Variants in FLYWCH1 observed in about 807,000 individuals in gnomAD.
FLYWCH1 encodes the protein FLYWCH-type zinc finger 1, also known as FLYWCH-type zinc finger-containing protein 1.
A neutral mutation model predicts 66.4 loss-of-function variants in FLYWCH1; 75 were observed. That is an observed-to-expected ratio of 1.13 (90% CI 0.94 to 1.37). The LOEUF (loss-of-function observed/expected upper bound fraction) is 1.37. FLYWCH1 is among the 40% of genes most tolerant of loss of function. The pLI is 0.00. For synonymous variants in FLYWCH1, 595 were observed against 429.9 expected, an observed-to-expected ratio of 1.38 and a Z score of -4.75; for missense variants, 1,334 against 1,001.8, an observed-to-expected ratio of 1.33 and a Z score of -4.48.
At chr16:2,924,830 G>A (rs2070501132) in intron 2 of FLYWCH1, among the ~76,000 whole-genome samples, 1 of 152,258 alleles carries the variant, frequency 6.6e-6, no homozygotes, top group African/African-American at 2.4e-5. Flanking sequence ...GGCGGTCAGG[G>A]CCTTTTCTTG....
intron 9 of FLYWCH1, among the ~76,000 whole-genome samples, chr16:2,944,657 T>A (rs768105624): frequency 5.3e-5 from 8 of 151,526 alleles, no homozygotes; most frequent in Non-Finnish European, 1.2e-4. Context: ...ACCCCGTCTC[T>A]ACTAAAAATA....
In FLYWCH1 at chr16:2,933,437, C is replaced by T. The variant is rs774388764; in HGVS notation, c.1104C>T (p.Gly368=). 486 of 1,600,770 alleles carry T rather than the reference C, an allele frequency of 3.0e-4. No homozygotes were observed. Among genetic ancestry groups the T allele is most frequent in the Non-Finnish European group, 2.4e-4 (282 of 1,174,608 alleles). Residue 368 remains glycine (G), a synonymous_variant, in exon 5 of 10, where the codon GGC becomes GGT. Coordinates refer to ENST00000253928, the MANE Select transcript of FLYWCH1 (RefSeq NM_001308068.2). The stretch of plus-strand genomic sequence containing the variant: ...GCCAAGTGGACACGCTGCTCCGAGG[C>T]GTGGATAGTTTGCTCTACCGCAGGG... ...PGSQVDTLLR[G]VDSLLYRRGP...
intron 3 of FLYWCH1, 122 bp from the exon 4 acceptor site, chr16:2,930,288 C>A (rs1490905761): frequency 1.8e-5 from 12 of 671,046 alleles, no homozygotes; most frequent in Admixed American, 1.2e-4. Flanking sequence ...GGGCTTCTTG[C>A]TTGGGAGCAG....
At position 2,929,768 on chromosome 16, in the gene FLYWCH1, T is replaced by C; in HGVS notation, c.83T>C (p.Val28Ala). 6.2e-7 allele frequency: 1 copy of C among 1,613,824 alleles called. No individual in the cohort carries two copies. The highest frequency in any genetic ancestry group is 8.5e-7 in the Non-Finnish European group (1 of 1,179,856). Residue 28 changes from valine (V) to alanine (A), a missense_variant, in exon 3 of 10, where the codon GTC (valine) becomes GCC (alanine). Val to Ala is a moderately conservative substitution (Grantham distance 64). Coordinates refer to ENST00000253928, the MANE Select transcript of FLYWCH1 (RefSeq NM_001308068.2). ...CCATCCCCCAAGCCAGGCACGGACG[T>C]CATCCCGGCAGCCCCCAGGAAGCCC... ...QEPSPKPGTD[V>A]IPAAPRKPRE... is the part of the protein sequence containing the mutation.
intron 6 of FLYWCH1, chr16:2,936,452 G>T: frequency 3.2e-6 from 1 of 312,000 alleles, no homozygotes; most frequent in East Asian, 9.5e-5. Flanking sequence ...ACACCCTCCC[G>T]CCCCCCGCTG....
intron 3 of FLYWCH1, 103 bp from the exon 4 acceptor site, chr16:2,930,307 G>C: frequency 1.4e-6 from 1 of 717,356 alleles, no homozygotes; most frequent in South Asian, 2.1e-5. Flanking sequence ...AGGAGGAGAA[G>C]GCACCTGCCA....
chr16:2,915,773 G>A (rs1329293620), intron 2 of FLYWCH1, among the ~76,000 whole-genome samples: 1 of 151,110 alleles, frequency 6.6e-6, no homozygotes, highest in East Asian at 1.9e-4. Flanking sequence ...CCCCAGCCTG[G>A]GAGACAGAGC....
At chr16:2,921,538 TA>T (rs1191895936) in intron 2 of FLYWCH1, among the ~76,000 whole-genome samples, 1 of 151,760 alleles carries the variant, frequency 6.6e-6, no homozygotes, top group Non-Finnish European at 1.5e-5. Context: ...ATTACCAAAA[TA>T]TTTTTTTTTA....
At chr16:2,932,678 GTGT>G (rs2070809454) in intron 4 of FLYWCH1, among the ~76,000 whole-genome samples, 1 of 152,100 alleles carries the variant, frequency 6.6e-6, no homozygotes, top group African/African-American at 2.4e-5. Flanking sequence ...ATTATACCTT[GTGT>G]GTTTTATTCA....
At position 2,950,254 on chromosome 16, in the gene FLYWCH1, G is replaced by A. The variant is rs1006028122; in HGVS notation, c.*1527G>A. 5 of 152,382 alleles carry A rather than the reference G, an allele frequency of 3.3e-5. No homozygotes were observed. The highest frequency in any genetic ancestry group is 2.1e-4 in the South Asian group (1 of 4,842). The allele number at this position is 152,382 out of a possible 1,614,324, so 9.4% of individuals were successfully genotyped here. ...TGGCTGCGCTTTGGGCACTGTTCTCGGCCCTGAAGCATCCTGCCCCGAGGC... is the reference window on the plus strand; with the variant it reads ...TGGCTGCGCTTTGGGCACTGTTCTCAGCCCTGAAGCATCCTGCCCCGAGGC... On this transcript the variant is annotated 3_prime_UTR_variant, in exon 10 of 10. Transcript: ENST00000253928.
intron 2 of FLYWCH1, among the ~76,000 whole-genome samples, chr16:2,916,980 T>TA (rs56875032): frequency 0.057 from 7,727 of 135,894 alleles, 697 homozygotes; most frequent in African/African-American, 0.2. Context: ...CCATCTCTAG[T>TA]AAAAAAAAAA....
intron 2 of FLYWCH1, among the ~76,000 whole-genome samples, chr16:2,924,647 G>A (rs1023270528): frequency 2.0e-5 from 3 of 152,152 alleles, no homozygotes; most frequent in Non-Finnish European, 2.9e-5. Flanking sequence ...CTCCTGCCAC[G>A]CTGTGGGTCA....
chr16:2,949,991 T>G lies in FLYWCH1; in HGVS notation c.*1264T>G, dbSNP rs2071628363. ...CAAGAGTGGACGGAGACACCTGGGG[T>G]TGGGGCCTCTGGAAGGGCTGCTGGG... On this transcript the variant is annotated 3_prime_UTR_variant, in exon 10 of 10. Transcript: ENST00000253928. The G allele has an allele frequency of 6.6e-6, 1 of 152,114 alleles. No individual in the cohort carries two copies. The highest frequency in any genetic ancestry group is 2.1e-4 in the South Asian group (1 of 4,822). 9.4% of individuals were successfully genotyped at this position (152,114 alleles called of 1,614,324 possible).
intron 2 of FLYWCH1, among the ~76,000 whole-genome samples, chr16:2,919,784 A>G (rs983136679): frequency 3.3e-5 from 5 of 152,176 alleles, no homozygotes; most frequent in Admixed American, 3.3e-4. Context: ...CTTGTTTGAA[A>G]ACATTGCCAC....
At chr16:2,926,535 G>C (rs888665414) in intron 2 of FLYWCH1, among the ~76,000 whole-genome samples, 1 of 152,158 alleles carries the variant, frequency 6.6e-6, no homozygotes, top group African/African-American at 2.4e-5. Flanking sequence ...AAACAAGTAA[G>C]GGTTATTTGC....
intron 2 of FLYWCH1, among the ~76,000 whole-genome samples, chr16:2,920,861 T>TTTG (rs2070347180): frequency 1.0e-5 from 1 of 95,354 alleles, no homozygotes; most frequent in African/African-American, 3.5e-5. Context: ...TTTTTTTTTT[T>TTTG]GAGACAGTCT....
chr16:2,919,308 C>T (rs575903937), intron 2 of FLYWCH1, among the ~76,000 whole-genome samples: 1 of 151,356 alleles, frequency 6.6e-6, no homozygotes, highest in East Asian at 1.9e-4. Context: ...CTTTGTCTCC[C>T]AGGCTGGAGT....
intron 6 of FLYWCH1, chr16:2,935,658 A>C (rs2070967993): frequency 6.6e-6 from 1 of 152,038 alleles, no homozygotes; most frequent in Admixed American, 6.6e-5. Flanking sequence ...CCGTGGTGTC[A>C]CAGGTGCAGA....
At chr16:2,932,602 G>C (rs184401580) in intron 4 of FLYWCH1, among the ~76,000 whole-genome samples, 63 of 152,288 alleles carry the variant, frequency 4.1e-4, no homozygotes, top group African/African-American at 1.4e-3. Context: ...ACCTGGGGTG[G>C]GAAGGGAGGT....
Sources: gnomAD v4.1 joint callset for allele counts (sites outside exome capture counted in the v4.1 genomes callset) on GRCh38, gnomAD v4.1.1 for gene constraint, MANE v1.5 for transcripts, NCBI Gene and HGNC (gene_info 2026-07-23, HGNC 2026-07-21) for gene names.